The following DAP3 variants were observed in gnomAD, a reference collection of about 807,000 sequenced individuals.
DAP3 encodes the protein small ribosomal subunit protein mS29.
DAP3 carries 28 observed loss-of-function variants against 51.9 expected under a neutral mutation model. The observed-to-expected ratio is 0.54, with a 90% CI of 0.40 to 0.74. The LOEUF (loss-of-function observed/expected upper bound fraction) is 0.74. Among genes scored for constraint, DAP3 ranks in the 30% least tolerant of loss-of-function variants. The pLI, the probability that DAP3 is intolerant of heterozygous loss-of-function variation, is 0.00. For synonymous variants in DAP3, 170 were observed against 170.3 expected (o/e 1.00, Z 0.01); for missense variants, 458 against 483.5 (o/e 0.95, Z 0.49).
intron 1 of DAP3, among the ~76,000 whole-genome samples, chr1:155,695,382 G>A (rs760146515): frequency 2.6e-5 from 4 of 152,182 alleles, no homozygotes; most frequent in Non-Finnish European, 4.4e-5. Flanking sequence ...CACTGAGGAC[G>A]ATGTTGTACA....
rs1657706940 is a variant in DAP3, at chr1:155,719,235, T to G, written c.168+2107T>G. Among the ~76,000 whole-genome samples the G allele has an allele frequency of 3.0e-3, 3 of 1,008 alleles. No homozygotes were observed. The Admixed American group carries it at 0.056, about 19-fold the overall frequency. 0.7% of individuals were successfully genotyped at this position (1,008 alleles called of 152,430 possible). A position where few individuals can be genotyped will look rare whatever the true frequency, so the allele number is the denominator to read the frequency against. ...AGCAAGACCCTAACTCTAAAACAAT[T>G]TTTTTTTTTTTTTTTTTGAGACAGA... On this transcript the variant is annotated intron_variant, in intron 3 of 12. Coordinates refer to ENST00000368336, the MANE Select transcript of DAP3 (RefSeq NM_004632.4).
intron 2 of DAP3, among the ~76,000 whole-genome samples, chr1:155,714,448 T>G (rs1166061432): frequency 6.6e-6 from 1 of 152,066 alleles, no homozygotes; most frequent in Non-Finnish European, 1.5e-5. Context: ...ATCAAAGATT[T>G]AGAGATAAAG....
chr1:155,713,145 G>A (rs1453308429), intron 2 of DAP3, among the ~76,000 whole-genome samples: 10 of 152,176 alleles, frequency 6.6e-5, no homozygotes, highest in African/African-American at 2.2e-4. Flanking sequence ...AGCTTTTAAG[G>A]TGGGGAGGGA....
chr1:155,737,107 T>G, intron 12 of DAP3, 44 bp downstream of exon 12: 1 of 1,360,514 alleles, frequency 7.4e-7, no homozygotes, highest in Non-Finnish European at 1.1e-6. Flanking sequence ...GTGATCACAG[T>G]AGAATCCCAC....
chr1:155,715,895 G>A (rs536814802), intron 2 of DAP3, among the ~76,000 whole-genome samples: 1 of 152,196 alleles, frequency 6.6e-6, no homozygotes, highest in East Asian at 1.9e-4. Flanking sequence ...CTTATTACAT[G>A]TCTCTAATGA....
In DAP3 at chr1:155,718,282, AGGCT is replaced by A. The variant is rs564118708; in HGVS notation, c.168+1156_168+1159del. 4.5e-4 allele frequency among the ~76,000 whole-genome samples: 68 copies of A among 152,286 alleles called. 2 individuals carry two copies. In the South Asian group the frequency reaches 0.013, roughly 30 times the overall value. ...GCACCTGTAATCCCAGCTACTCAGG[AGGCT>A]GAGGCAGGAGAATTGCTTGAACCCA... On this transcript the variant is annotated intron_variant, in intron 3 of 12. Transcript: ENST00000368336.
At chr1:155,688,709 C>G (rs992737707), upstream of DAP3, 212 of 1,522,432 alleles carry the variant, frequency 1.4e-4, no homozygotes, top group Admixed American at 2.8e-4. Flanking sequence ...TCTCCTCCCC[C>G]TCCCTCCCCG....
chr1:155,717,010 ACC>A lies in DAP3; in HGVS notation c.52_53del (p.Pro18TrpfsTer20). The A allele has an allele frequency of 6.2e-7, 1 of 1,613,502 alleles. No individual in the cohort carries two copies. Among genetic ancestry groups the A allele is most frequent in the Non-Finnish European group, 8.5e-7 (1 of 1,179,884 alleles). On this transcript the variant is annotated frameshift_variant, in exon 3 of 13. Transcript: ENST00000368336. LOFTEE classifies it high-confidence loss of function. The stretch of plus-strand genomic sequence containing the variant: ...CTGAAATGGTTTCTCTTATAGTTGG[ACC>A]CTGGGCGTTTTTTACACATGGGGAC...
chr1:155,690,707 G>C (rs1249743769), intron 1 of DAP3, among the ~76,000 whole-genome samples: 1 of 141,836 alleles, frequency 7.1e-6, no homozygotes, highest in Non-Finnish European at 1.5e-5. Context: ...AAAGCACTTT[G>C]TACTACCTTT....
chr1:155,729,200 C>T lies in DAP3; in HGVS notation c.685-8C>T. On this transcript the variant is annotated splice_polypyrimidine_tract_variant and splice_region_variant and intron_variant, in intron 8 of 12. Coordinates refer to ENST00000368336, the MANE Select transcript of DAP3 (RefSeq NM_004632.4). ...GGTAGCACTACAATCCACTGTCTCT[C>T]CCAATAGGGCATAACACGGGTGAGG... 6.2e-7 allele frequency: 1 copy of T among 1,614,134 alleles called. No homozygotes were observed. Among genetic ancestry groups the T allele is most frequent in the Non-Finnish European group, 8.5e-7 (1 of 1,180,038 alleles).
Position 155,738,283 on chromosome 1 carries a change from T to C in DAP3, c.*41T>C, listed in dbSNP as rs1208946883. 3 of 1,608,376 alleles carry C rather than the reference T, an allele frequency of 1.9e-6. No individual in the cohort carries two copies. In the South Asian group the frequency reaches 3.3e-5, roughly 18 times the overall value. On this transcript the variant is annotated 3_prime_UTR_variant, in exon 13 of 13. Transcript: ENST00000368336. ...TGTGAGGAAGACAGTGGACATCTGCTTTATGCTGGACCCAGTAAGATGAGG... is the reference window on the plus strand; with the variant it reads ...TGTGAGGAAGACAGTGGACATCTGCCTTATGCTGGACCCAGTAAGATGAGG...
Position 155,689,132 on chromosome 1 carries a change from G to T in DAP3, c.-50G>T. On this transcript the variant is annotated 5_prime_UTR_variant, in exon 1 of 13. Coordinates refer to ENST00000368336, the MANE Select transcript of DAP3 (RefSeq NM_004632.4). ...CGCTTTGGAGCCGGCCCCAGGCAGCGTGTGTCGGTCGCCTAGTCTGGAGAA... is the reference window on the plus strand; with the variant it reads ...CGCTTTGGAGCCGGCCCCAGGCAGCTTGTGTCGGTCGCCTAGTCTGGAGAA... The T allele has an allele frequency of 1.0e-6, 1 of 977,270 alleles. No homozygotes were observed. Among genetic ancestry groups the T allele is most frequent in the Non-Finnish European group, 1.6e-6 (1 of 642,038 alleles). 60.5% of individuals were successfully genotyped at this position (977,270 alleles called of 1,614,324 possible).
At chr1:155,734,600 GA>G (rs1026548959) in intron 11 of DAP3, among the ~76,000 whole-genome samples, 50 of 152,218 alleles carry the variant, frequency 3.3e-4, no homozygotes, top group African/African-American at 1.0e-3. Context: ...TATTTTAGAG[GA>G]GACTGGTATT....
intron 2 of DAP3, among the ~76,000 whole-genome samples, chr1:155,711,944 C>G (rs916056053): frequency 6.6e-6 from 1 of 151,208 alleles, no homozygotes; most frequent in Non-Finnish European, 1.5e-5. Flanking sequence ...GGCTGGAAGA[C>G]CCAGCAAGTC....
chr1:155,689,604 A>AG, intron 1 of DAP3: 1 of 364,112 alleles, frequency 2.7e-6, no homozygotes, highest in South Asian at 2.1e-5. Flanking sequence ...ACATGCCTCC[A>AG]GGGTTGGTGT....
chr1:155,736,889 T>A (rs1416015923), intron 11 of DAP3, 57 bp from the exon 12 acceptor site: 2 of 1,358,364 alleles, frequency 1.5e-6, no homozygotes, highest in Non-Finnish European at 2.1e-6. Flanking sequence ...GTAGAGTCTG[T>A]CTGTCTGGTG....
chr1:155,721,374 GTA>G (rs1557786141), intron 3 of DAP3, 141 bp from the exon 4 acceptor site: 1 of 374,938 alleles, frequency 2.7e-6, no homozygotes, highest in Non-Finnish European at 4.7e-6. Flanking sequence ...ATATATGTAT[GTA>G]TGTGTATATA....
intron 2 of DAP3, among the ~76,000 whole-genome samples, chr1:155,714,340 C>T (rs563944937): frequency 1.1e-4 from 16 of 152,244 alleles, no homozygotes; most frequent in Admixed American, 8.5e-4. Flanking sequence ...GCTGGGACTA[C>T]AGGAGTGGAC....
At chr1:155,688,544 C>T (rs1653061415), upstream of DAP3, 1 of 1,541,538 alleles carries the variant, frequency 6.5e-7, no homozygotes, top group African/African-American at 1.4e-5. Context: ...CCACCTTCGG[C>T]CGTCCTGCGA....
Sources: gnomAD v4.1 joint callset for allele counts (sites outside exome capture counted in the v4.1 genomes callset) on GRCh38, gnomAD v4.1.1 for gene constraint, MANE v1.5 for transcripts, NCBI Gene and HGNC (gene_info 2026-07-23, HGNC 2026-07-21) for gene names.